Variants in DGLUCY observed in about 807,000 individuals in gnomAD.
DGLUCY encodes the protein D-glutamate cyclase, also known as D-glutamate cyclase, mitochondrial.
In DGLUCY, 58 loss-of-function variants were observed where a neutral mutation model predicts 58.5. The observed-to-expected ratio is 0.99, with a 90% CI of 0.80 to 1.23. The LOEUF (loss-of-function observed/expected upper bound fraction) is 1.23, where lower values mean the gene tolerates loss of function less well. DGLUCY is among the 50% of genes most tolerant of loss of function. The pLI is 0.00. For synonymous variants in DGLUCY, 325 were observed against 314.1 expected (o/e 1.03, Z -0.37); for missense variants, 779 against 784.7 (o/e 0.99, Z 0.09).
intron 1 of DGLUCY, among the ~76,000 whole-genome samples, chr14:91,153,634 G>A (rs945638972): frequency 8.5e-5 from 13 of 152,164 alleles, no homozygotes; most frequent in African/African-American, 2.7e-4. Context: ...CTGCTTGCTT[G>A]TTTCTGCGTC....
At chr14:91,087,797 T>C (rs2044247355) in intron 1 of DGLUCY, among the ~76,000 whole-genome samples, 1 of 152,222 alleles carries the variant, frequency 6.6e-6, no homozygotes, top group Admixed American at 6.5e-5. Context: ...CAGTGTACTC[T>C]CGTGACAAAA....
At chr14:91,102,635 C>T (rs571807718) in intron 1 of DGLUCY, among the ~76,000 whole-genome samples, 4 of 152,108 alleles carry the variant, frequency 2.6e-5, no homozygotes, top group Non-Finnish European at 5.9e-5. Context: ...AAAATAGGGG[C>T]TCACAGGCTC....
chr14:91,074,307 A>AT (rs2043981438), intron 1 of DGLUCY, among the ~76,000 whole-genome samples: 23 of 142,844 alleles, frequency 1.6e-4, no homozygotes, highest in Middle Eastern at 7.1e-3. Context: ...AAAAAAAAAA[A>AT]AAAAAATATA....
chr14:91,129,340 A>G (rs2045899746), intron 1 of DGLUCY, among the ~76,000 whole-genome samples: 1 of 152,108 alleles, frequency 6.6e-6, no homozygotes, highest in Admixed American at 6.6e-5. Flanking sequence ...TACAGATTTC[A>G]TGCTTTTCTT....
At chr14:91,101,373 G>A (rs1231441773) in intron 1 of DGLUCY, among the ~76,000 whole-genome samples, 6 of 152,080 alleles carry the variant, frequency 3.9e-5, no homozygotes, top group African/African-American at 1.4e-4. Flanking sequence ...GAAACCTTAT[G>A]TAAGTGGAAT....
At chr14:91,176,316 C>A (rs772520950) in intron 7 of DGLUCY, among the ~76,000 whole-genome samples, 3 of 152,072 alleles carry the variant, frequency 2.0e-5, no homozygotes, top group Admixed American at 6.5e-5. Context: ...ACCTCCAGCT[C>A]CCTGGTTCAA....
At chr14:91,190,988 AT>A (rs1477757254) in intron 9 of DGLUCY, among the ~76,000 whole-genome samples, 2 of 151,988 alleles carry the variant, frequency 1.3e-5, no homozygotes, top group African/African-American at 2.4e-5. Flanking sequence ...CGCACTTCTG[AT>A]TTCAGCTGCC....
intron 12 of DGLUCY, among the ~76,000 whole-genome samples, chr14:91,213,573 C>A (rs1356389811): frequency 6.6e-6 from 1 of 152,078 alleles, no homozygotes; most frequent in Admixed American, 6.5e-5. Flanking sequence ...GTAAGTGTAA[C>A]AAAAGTACAT....
chr14:91,195,180 A>G (rs8003833), intron 9 of DGLUCY, among the ~76,000 whole-genome samples: 77,898 of 151,928 alleles, frequency 0.51, 22,231 homozygotes, highest in African/African-American at 0.78. Flanking sequence ...AGACCATAAC[A>G]GTGGGTCCAA....
At chr14:91,128,101 T>A (rs747264249) in intron 1 of DGLUCY, among the ~76,000 whole-genome samples, 10 of 151,890 alleles carry the variant, frequency 6.6e-5, no homozygotes, top group Non-Finnish European at 1.3e-4. Context: ...ATTCCAGATA[T>A]TAGGGTCTGT....
At chr14:91,106,011 A>G (rs546062840), upstream of DGLUCY, among the ~76,000 whole-genome samples, 16 of 152,366 alleles carry the variant, frequency 1.1e-4, no homozygotes, top group African/African-American at 3.6e-4. Context: ...AAAATACGGC[A>G]TTATAACCTT....
Position 91,188,937 on chromosome 14 carries a change from G to A in DGLUCY, c.962G>A (p.Cys321Tyr). The change falls in exon 9 of 14, where the codon TGT becomes TAT. Residue 321 changes from cysteine (C) to tyrosine (Y), a missense_variant. Transcript: ENST00000256324. ...PGNRGIGHLL[C>Y]KDELLKASLS... ...AACCGGGGGATTGGGCACCTGCTCT[G>A]TAAAGATGAGCTGCTGAAGGCCTCT... 1 of 1,614,190 alleles carries A rather than the reference G, an allele frequency of 6.2e-7. No homozygotes were observed. Among genetic ancestry groups the A allele is most frequent in the Non-Finnish European group, 8.5e-7 (1 of 1,180,036 alleles).
At chr14:91,149,195 C>T (rs1400792122) in intron 1 of DGLUCY, among the ~76,000 whole-genome samples, 3 of 150,526 alleles carry the variant, frequency 2.0e-5, no homozygotes, top group Non-Finnish European at 4.4e-5. Flanking sequence ...TGCTGTGAGC[C>T]GAGATGGTGC....
intron 1 of DGLUCY, among the ~76,000 whole-genome samples, chr14:91,070,105 C>G (rs940444059): frequency 1.3e-5 from 2 of 152,102 alleles, no homozygotes; most frequent in Non-Finnish European, 1.5e-5. Context: ...ATTTGACTTA[C>G]AAGACCCAGG....
rs1439511288 is a variant in DGLUCY, at chr14:91,141,623, C to G, written c.-81-16016C>G. On this transcript the variant is annotated intron_variant, in intron 1 of 13. Transcript: ENST00000256324. ...CTGGAGTGCAATGGCGCAATTTTGG[C>G]TCACTGCAACCTCCGCCTCCTGGGT... 1.5e-4 allele frequency among the ~76,000 whole-genome samples: 22 copies of G among 146,206 alleles called. No homozygotes were observed. In the Admixed American group the frequency reaches 1.6e-3, roughly 10 times the overall value.
At chr14:91,170,664 C>T (rs1322423239) in intron 5 of DGLUCY, among the ~76,000 whole-genome samples, 2 of 152,182 alleles carry the variant, frequency 1.3e-5, no homozygotes, top group African/African-American at 2.4e-5. Context: ...CGGAGGTGGC[C>T]TCTGGCAGTC....
chr14:91,220,136 G>A (rs1448738967), intron 13 of DGLUCY, among the ~76,000 whole-genome samples: 2 of 152,226 alleles, frequency 1.3e-5, no homozygotes, highest in Non-Finnish European at 2.9e-5. Context: ...CATCGGGCCT[G>A]CCTTGGGTGA....
intron 4 of DGLUCY, 31 bp downstream of exon 4, chr14:91,167,409 C>G: frequency 6.2e-7 from 1 of 1,613,860 alleles, no homozygotes; most frequent in Non-Finnish European, 8.5e-7. Context: ...TGGGTTGAAG[C>G]TTGGGAGTGT....
At chr14:91,158,527 A>G (rs958477667) in intron 2 of DGLUCY, among the ~76,000 whole-genome samples, 1 of 152,178 alleles carries the variant, frequency 6.6e-6, no homozygotes, top group African/African-American at 2.4e-5. Flanking sequence ...ATTATTTTCT[A>G]TCTAGGAGAT....
Sources: allele counts gnomAD v4.1 joint callset (sites outside exome capture counted in the v4.1 genomes callset), GRCh38; gene constraint gnomAD v4.1.1; transcripts MANE v1.5; gene names NCBI Gene and HGNC (gene_info 2026-07-23, HGNC 2026-07-21).